CDH12: variants seen among roughly 807,000 people sequenced by gnomAD.
CDH12 encodes cadherin 12, also known as cadherin-12.
CDH12 carries 41 observed loss-of-function variants against 74.1 expected under a neutral mutation model. The ratio of observed to expected loss-of-function variants is 0.55; its 90% confidence interval spans 0.43 to 0.72. CDH12 has a LOEUF of 0.72. CDH12 is among the 30% of genes least tolerant of loss of function. CDH12 has a pLI of 0.00. For missense variants in CDH12, 945 were observed against 977.2 expected (o/e 0.97, Z 0.44); for synonymous variants, 399 against 355.0 (o/e 1.12, Z -1.39).
At chr5:22,271,952 G>T (rs1736420868) in intron 3 of CDH12, among the ~76,000 whole-genome samples, 1 of 152,068 alleles carries the variant, frequency 6.6e-6, no homozygotes. Context: ...TTTTGGAATG[G>T]TAAATGAGTG....
intron 11 of CDH12, among the ~76,000 whole-genome samples, chr5:21,768,298 C>T (rs1745135765): frequency 6.6e-6 from 1 of 151,770 alleles, no homozygotes; most frequent in African/African-American, 2.4e-5. Flanking sequence ...CTTATACCTT[C>T]ACAATGCTTT....
At chr5:22,504,691 T>G (rs1225932978) in intron 2 of CDH12, among the ~76,000 whole-genome samples, 1 of 152,060 alleles carries the variant, frequency 6.6e-6, no homozygotes, top group African/African-American at 2.4e-5. Flanking sequence ...AGTGTTTAGA[T>G]TCCTACCATC....
At position 22,538,200 on chromosome 5, in the gene CDH12, G is replaced by A. The variant is rs190429211; in HGVS notation, c.-522-32836C>T. ...CTCTCTTTCATTAACTACCATCTCC[G>A]TCACAGTCTAAAAATCCTCATTTCT... is the stretch of plus-strand genomic sequence containing the variant. On this transcript the variant is annotated intron_variant, in intron 1 of 14. Coordinates refer to ENST00000382254, the MANE Select transcript of CDH12 (RefSeq NM_004061.5). 3.1e-4 allele frequency among the ~76,000 whole-genome samples: 47 copies of A among 151,996 alleles called. No individual in the cohort carries two copies. The East Asian group carries it at 3.1e-3, about 10-fold the overall frequency.
intron 8 of CDH12, among the ~76,000 whole-genome samples, chr5:21,831,854 A>G (rs1749041266): frequency 6.6e-6 from 1 of 152,104 alleles, no homozygotes; most frequent in African/African-American, 2.4e-5. Context: ...GTCATAAGTA[A>G]AGTCTCATAT....
chr5:22,562,180 A>G (rs1580767019), intron 1 of CDH12, among the ~76,000 whole-genome samples: 2 of 151,486 alleles, frequency 1.3e-5, no homozygotes, highest in African/African-American at 2.4e-5. Flanking sequence ...AGCCGGGCGT[A>G]GTGGCGGGCG....
intron 6 of CDH12, among the ~76,000 whole-genome samples, chr5:21,868,354 T>C (rs1751444594): frequency 6.6e-6 from 1 of 152,144 alleles, no homozygotes; most frequent in Non-Finnish European, 1.5e-5. Flanking sequence ...AGACAAAGCA[T>C]AGTGGATCCC....
intron 3 of CDH12, among the ~76,000 whole-genome samples, chr5:22,355,327 T>C (rs1740516234): frequency 1.3e-5 from 2 of 152,058 alleles, no homozygotes; most frequent in Non-Finnish European, 2.9e-5. Context: ...AATCAGAATG[T>C]AGCTTACTTT....
chr5:22,353,338 A>G lies in CDH12; in HGVS notation c.-333+51919T>C, dbSNP rs551268856. On this transcript the variant is annotated intron_variant, in intron 3 of 14. Transcript: ENST00000382254. ...TGAACCCACTAATATCTGCTCAAAG[A>G]CCCTAAATTAACTACTGCTAAGACT... is the stretch of plus-strand genomic sequence containing the variant. 5.3e-5 allele frequency among the ~76,000 whole-genome samples: 8 copies of G among 152,228 alleles called. No individual in the cohort carries two copies. In the East Asian group the frequency reaches 1.5e-3, roughly 29 times the overall value.
At chr5:22,036,416 T>C (rs1739192716) in intron 5 of CDH12, among the ~76,000 whole-genome samples, 1 of 152,168 alleles carries the variant, frequency 6.6e-6, no homozygotes, top group South Asian at 2.1e-4. Flanking sequence ...AAGAGAACAT[T>C]GTCAAAACTA....
chr5:21,823,381 T>G (rs569621758), intron 8 of CDH12, among the ~76,000 whole-genome samples: 2 of 152,132 alleles, frequency 1.3e-5, no homozygotes, highest in Non-Finnish European at 2.9e-5. Context: ...TAACTCCCAC[T>G]GGGACCTATC....
intron 2 of CDH12, among the ~76,000 whole-genome samples, chr5:22,412,653 A>C (rs1187116214): frequency 6.6e-6 from 1 of 151,932 alleles, no homozygotes; most frequent in Admixed American, 6.6e-5. Flanking sequence ...AGTTAAGTGA[A>C]GAAAAAGTCA....
chr5:21,978,473 TGTAAATATATAACTGAAAGG>T (rs1454117541), intron 5 of CDH12, among the ~76,000 whole-genome samples: 1 of 152,168 alleles, frequency 6.6e-6, no homozygotes, highest in Non-Finnish European at 1.5e-5. Context: ...GTTTCAGTTA[TGTAAATATATAACTGAAAGG>T]GTAAATATAT....
chr5:22,506,599 C>G (rs1415141247), intron 1 of CDH12, among the ~76,000 whole-genome samples: 1 of 151,870 alleles, frequency 6.6e-6, no homozygotes, highest in Non-Finnish European at 1.5e-5. Context: ...CAGACCTAGA[C>G]TCAGCCTTTT....
intron 7 of CDH12, among the ~76,000 whole-genome samples, chr5:21,850,929 T>C (rs1750432625): frequency 6.6e-6 from 1 of 151,348 alleles, no homozygotes; most frequent in African/African-American, 2.4e-5. Flanking sequence ...AATTAAGAGA[T>C]ACGGAGAGAA....
rs192947500 is a variant in CDH12, at chr5:22,417,526, C to T, written c.-427-12175G>A. Among the ~76,000 whole-genome samples the T allele has an allele frequency of 3.3e-4, 50 of 152,316 alleles. No homozygotes were observed. The East Asian group carries it at 8.1e-3, about 25-fold the overall frequency. ...AGAAGGCCCTCGCCAGATATGAGTT[C>T]CTTCATCCTGGACTTCCCCAATTCT... On this transcript the variant is annotated intron_variant, in intron 2 of 14. Transcript: ENST00000382254.
chr5:22,677,162 AT>A (rs1336802726), intron 1 of CDH12, among the ~76,000 whole-genome samples: 1 of 152,154 alleles, frequency 6.6e-6, no homozygotes, highest in East Asian at 1.9e-4. Flanking sequence ...GGTTTTATTG[AT>A]GCCACTGACC....
At chr5:22,847,572 C>A (rs1737362795) in intron 1 of CDH12, among the ~76,000 whole-genome samples, 1 of 152,146 alleles carries the variant, frequency 6.6e-6, no homozygotes, top group South Asian at 2.1e-4. Flanking sequence ...TGGTTTTCAA[C>A]ATTTACTGAG....
At chr5:22,167,886 CCTTTA>C (rs1748777832) in intron 4 of CDH12, among the ~76,000 whole-genome samples, 1 of 152,100 alleles carries the variant, frequency 6.6e-6, no homozygotes, top group Non-Finnish European at 1.5e-5. Flanking sequence ...GTGACATCAT[CCTTTA>C]CTTTCTCAAT....
chr5:22,342,758 C>T (rs1422610000), intron 3 of CDH12, among the ~76,000 whole-genome samples: 7 of 144,226 alleles, frequency 4.9e-5, no homozygotes, highest in African/African-American at 1.8e-4. Flanking sequence ...CCCTCCCTCC[C>T]TTCCTCCCTT....
Sources: allele counts gnomAD v4.1 joint callset (sites outside exome capture counted in the v4.1 genomes callset), GRCh38; gene constraint gnomAD v4.1.1; transcripts MANE v1.5; gene names NCBI Gene and HGNC (gene_info 2026-07-23, HGNC 2026-07-21).